CACNA1E: variants seen among roughly 807,000 people sequenced by gnomAD.
The protein encoded by CACNA1E is calcium voltage-gated channel subunit alpha1 E.
In CACNA1E, 40 loss-of-function variants were observed where a neutral mutation model predicts 259.2. The ratio of observed to expected loss-of-function variants is 0.15; its 90% confidence interval spans 0.12 to 0.20. The LOEUF (loss-of-function observed/expected upper bound fraction) is 0.20. Ranked by LOEUF, CACNA1E falls within the 10% of genes least tolerant of loss-of-function variation. CACNA1E has a pLI of 1.00. For missense variants in CACNA1E, 1,874 were observed against 3,040.1 expected, an observed-to-expected ratio of 0.62 and a Z score of 9.02; for synonymous variants, 1,104 against 1,138.5, an observed-to-expected ratio of 0.97 and a Z score of 0.61.
intron 7 of CACNA1E, among the ~76,000 whole-genome samples, chr1:181,695,262 T>A (rs371280339): frequency 6.6e-6 from 1 of 152,222 alleles, no homozygotes; most frequent in African/African-American, 2.4e-5. Context: ...GGTATCTTTA[T>A]GGATTGAAAA....
chr1:181,573,823 A>T (rs1365850596), intron 3 of CACNA1E, among the ~76,000 whole-genome samples: 1 of 152,210 alleles, frequency 6.6e-6, no homozygotes, highest in Non-Finnish European at 1.5e-5. Context: ...AGATACATAC[A>T]CATGTATGTT....
chr1:181,414,426 G>C (rs529349894), intron 2 of CACNA1E, among the ~76,000 whole-genome samples: 1 of 152,322 alleles, frequency 6.6e-6, no homozygotes, highest in African/African-American at 2.4e-5. Context: ...TGTTCTGGAT[G>C]ATACAAGTAG....
At chr1:181,667,327 T>C (rs181155124) in intron 7 of CACNA1E, among the ~76,000 whole-genome samples, 3 of 152,270 alleles carry the variant, frequency 2.0e-5, no homozygotes, top group African/African-American at 7.2e-5. Context: ...CTGTAAGCAG[T>C]AGGGAAGATC....
At chr1:181,691,058 A>C (rs1651103265) in intron 7 of CACNA1E, among the ~76,000 whole-genome samples, 1 of 151,964 alleles carries the variant, frequency 6.6e-6, no homozygotes, top group African/African-American at 2.4e-5. Flanking sequence ...TATCTTTTCA[A>C]ATATTTTCTC....
chr1:181,391,317 T>A lies in CACNA1E; in HGVS notation c.-14-21816T>A, dbSNP rs778841411. ...GCTTAAAAACCTTTGTAGATTTCTG[T>A]ATTAGTCGGGATCCAGCTGTGAAAC... On this transcript the variant is annotated intron_variant, in intron 1 of 11. Transcript: ENST00000524607. Among the ~76,000 whole-genome samples the A allele has an allele frequency of 6.2e-4, 94 of 152,200 alleles. 1 individual carries two copies. Among genetic ancestry groups the A allele is most frequent in the Non-Finnish European group, 1.5e-4 (10 of 68,036 alleles).
chr1:181,392,762 A>C lies in CACNA1E; in HGVS notation c.-14-20371A>C, dbSNP rs566690785. On this transcript the variant is annotated intron_variant, in intron 1 of 11. Coordinates refer to the CACNA1E transcript ENST00000524607. ...CATTGGAACCAAATGTGAGACTGTG[A>C]CTCATGAAGAGAAGGGAGGCTGCCC... Among the ~76,000 whole-genome samples the C allele has an allele frequency of 5.3e-5, 8 of 152,358 alleles. No homozygotes were observed. In the East Asian group the frequency reaches 1.5e-3, roughly 29 times the overall value.
chr1:181,340,444 A>G (rs1342798045), intron 1 of CACNA1E, among the ~76,000 whole-genome samples: 1 of 151,972 alleles, frequency 6.6e-6, no homozygotes, highest in African/African-American at 2.4e-5. Context: ...CTTCCACATG[A>G]TCTTTAAATT....
At chr1:181,336,801 A>G (rs1447529460) in intron 1 of CACNA1E, among the ~76,000 whole-genome samples, 1 of 152,024 alleles carries the variant, frequency 6.6e-6, no homozygotes, top group Non-Finnish European at 1.5e-5. Context: ...TGGGTATCTC[A>G]TATAAGTAAC....
In CACNA1E at chr1:181,731,244, C is replaced by A. The variant is rs1481484395; in HGVS notation, c.2297+13C>A. On this transcript the variant is annotated intron_variant, in intron 19 of 47. Coordinates refer to ENST00000367573, the MANE Select transcript of CACNA1E (RefSeq NM_001205293.3). ...GCAGCAGCCACCTGTATGTGTGTACCAGTTTGCGTGTTTGTGAGTGGTTAC... is the reference window on the plus strand; with the variant it reads ...GCAGCAGCCACCTGTATGTGTGTACAAGTTTGCGTGTTTGTGAGTGGTTAC... 2 of 1,610,098 alleles carry A rather than the reference C, an allele frequency of 1.2e-6. No homozygotes were observed. The highest frequency in any genetic ancestry group is 8.5e-7 in the Non-Finnish European group (1 of 1,176,486).
At chr1:181,543,706 T>A (rs573266589) in intron 3 of CACNA1E, among the ~76,000 whole-genome samples, 1 of 152,254 alleles carries the variant, frequency 6.6e-6, no homozygotes, top group Non-Finnish European at 1.5e-5. Context: ...CCACCCAGTG[T>A]ATGGTATTTT....
chr1:181,801,843 T>A lies in CACNA1E; in HGVS notation c.*3009T>A, dbSNP rs897828851. The A allele has an allele frequency of 2.0e-5, 3 of 152,208 alleles. No individual in the cohort carries two copies. Among genetic ancestry groups the A allele is most frequent in the African/African-American group, 7.2e-5 (3 of 41,452 alleles). 9.4% of individuals were successfully genotyped at this position (152,208 alleles called of 1,614,324 possible). On this transcript the variant is annotated 3_prime_UTR_variant, in exon 48 of 48. Coordinates refer to ENST00000367573, the MANE Select transcript of CACNA1E (RefSeq NM_001205293.3). ...TCTTGAGTCATATATTCAGTTTCTC[T>A]TGCTAATATATGACTCGTCTTCACC...
intron 21 of CACNA1E, 44 bp downstream of exon 21, chr1:181,733,794 C>G: frequency 7.2e-7 from 1 of 1,387,740 alleles, no homozygotes; most frequent in Non-Finnish European, 9.6e-7. Flanking sequence ...AACTCCTATC[C>G]CATCTGGGGC....
chr1:181,557,509 G>A (rs1229008101), intron 3 of CACNA1E, among the ~76,000 whole-genome samples: 4 of 152,142 alleles, frequency 2.6e-5, no homozygotes, highest in Non-Finnish European at 5.9e-5. Context: ...TGTCCTGTTC[G>A]CATGCCAAGT....
Position 181,756,057 on chromosome 1 carries a change from CCCTCTTCA to C in CACNA1E, c.4094_4101del (p.Leu1365ArgfsTer65). The C allele has an allele frequency of 6.2e-7, 1 of 1,613,840 alleles. No individual in the cohort carries two copies. The highest frequency in any genetic ancestry group is 8.5e-7 in the Non-Finnish European group (1 of 1,179,786). On this transcript the variant is annotated frameshift_variant, in exon 29 of 48. Coordinates refer to ENST00000367573, the MANE Select transcript of CACNA1E (RefSeq NM_001205293.3). LOFTEE classifies it high-confidence loss of function. Reference sequence around the variant, plus strand: ...GACAACATTATCTGGGCCCTGCTGACCCTCTTCACCGTCTCCACAGGGGAAGGATGGCC... The same window carrying C: ...GACAACATTATCTGGGCCCTGCTGACCCGTCTCCACAGGGGAAGGATGGCC...
At chr1:181,752,076 A>T in intron 26 of CACNA1E, 67 bp from the exon 27 acceptor site, 4 of 1,103,380 alleles carry the variant, frequency 3.6e-6, no homozygotes, top group Non-Finnish European at 5.6e-6. Context: ...TACTAATGCC[A>T]TAGTTTGAAT....
intron 1 of CACNA1E, among the ~76,000 whole-genome samples, chr1:181,384,612 G>A (rs1655700370): frequency 6.6e-6 from 1 of 152,044 alleles, no homozygotes; most frequent in African/African-American, 2.4e-5. Context: ...TTCTGGTTTT[G>A]GTTCTTTTTC....
At chr1:181,523,454 A>G (rs1211482147) in intron 3 of CACNA1E, among the ~76,000 whole-genome samples, 2 of 152,256 alleles carry the variant, frequency 1.3e-5, no homozygotes, top group Non-Finnish European at 2.9e-5. Flanking sequence ...TTTATTCAAT[A>G]TAGCATAGTG....
At chr1:181,493,353 G>A (rs1664478012) in intron 1 of CACNA1E, among the ~76,000 whole-genome samples, 1 of 152,220 alleles carries the variant, frequency 6.6e-6, no homozygotes, top group Non-Finnish European at 1.5e-5. Context: ...CAGCCAGGCT[G>A]CTATGAAAGA....
At chr1:181,757,859 C>G in intron 30 of CACNA1E, 88 bp from the exon 31 acceptor site, 2 of 1,422,976 alleles carry the variant, frequency 1.4e-6, no homozygotes, top group Non-Finnish European at 1.9e-6. Context: ...TCCCATTCAC[C>G]GTCCTCCTCT....
Sources: gnomAD v4.1 joint callset for allele counts (sites outside exome capture counted in the v4.1 genomes callset) on GRCh38, gnomAD v4.1.1 for gene constraint, MANE v1.5 for transcripts, NCBI Gene and HGNC (gene_info 2026-07-23, HGNC 2026-07-21) for gene names.